MTREX: variants seen among roughly 807,000 people sequenced by gnomAD.
The protein encoded by MTREX is Mtr4 exosome RNA helicase.
Under a neutral mutation model 135.4 loss-of-function variants are expected in MTREX, and 76 were observed. That is an observed-to-expected ratio of 0.56 (90% CI 0.47 to 0.68). MTREX has a LOEUF of 0.68. Ranked by LOEUF, MTREX falls within the 30% of genes least tolerant of loss-of-function variation. The pLI is 0.00. For missense variants in MTREX, 920 were observed against 1,262.1 expected (o/e 0.73, Z 4.11); for synonymous variants, 404 against 401.6 (o/e 1.01, Z -0.07).
chr5:55,405,616 T>C (rs1750791976), intron 22 of MTREX, 28 bp downstream of exon 22: 4 of 1,537,780 alleles, frequency 2.6e-6, no homozygotes, highest in Non-Finnish European at 3.5e-6. Flanking sequence ...TTCTAGAAAG[T>C]TCATTTTTTT....
At chr5:55,361,041 C>T (rs996970463) in intron 15 of MTREX, among the ~76,000 whole-genome samples, 3 of 152,166 alleles carry the variant, frequency 2.0e-5, no homozygotes, top group African/African-American at 7.2e-5. Context: ...GGTACTGCTT[C>T]TCAGTACCTC....
chr5:55,318,921 C>T (rs1749243067), intron 1 of MTREX, among the ~76,000 whole-genome samples: 1 of 152,134 alleles, frequency 6.6e-6, no homozygotes, highest in Non-Finnish European at 1.5e-5. Context: ...TCTTATTTGA[C>T]ATAATTTCAG....
intron 16 of MTREX, among the ~76,000 whole-genome samples, chr5:55,372,891 A>AGT (rs1561200642): frequency 3.8e-4 from 34 of 90,590 alleles, no homozygotes; most frequent in Non-Finnish European, 7.0e-4. Flanking sequence ...TTAAAACTGT[A>AGT]ATGTGTGTGT....
chr5:55,336,738 C>T (rs1047433434), intron 5 of MTREX, among the ~76,000 whole-genome samples: 1 of 152,198 alleles, frequency 6.6e-6, no homozygotes, highest in Non-Finnish European at 1.5e-5. Flanking sequence ...CAGATGTGAA[C>T]AGTTGTCTCT....
chr5:55,368,804 GA>G (rs11299245), intron 16 of MTREX, among the ~76,000 whole-genome samples: 21,544 of 148,988 alleles, frequency 0.14, 1,915 homozygotes, highest in East Asian at 0.26. Flanking sequence ...CTCTCTAATT[GA>G]AAAAAAAAAT....
At chr5:55,409,259 G>T (rs1750851534) in intron 22 of MTREX, among the ~76,000 whole-genome samples, 1 of 150,834 alleles carries the variant, frequency 6.6e-6, no homozygotes, top group African/African-American at 2.4e-5. Context: ...TATTTCTAGG[G>T]ATATATATAT....
intron 20 of MTREX, among the ~76,000 whole-genome samples, chr5:55,398,334 CTG>C (rs1750676462): frequency 6.6e-6 from 1 of 151,650 alleles, no homozygotes; most frequent in South Asian, 2.1e-4. Context: ...AGTGAAGGCT[CTG>C]TACTAAAATC....
intron 1 of MTREX, among the ~76,000 whole-genome samples, chr5:55,320,320 C>T (rs1013368132): frequency 6.6e-6 from 1 of 151,506 alleles, no homozygotes; most frequent in Non-Finnish European, 1.5e-5. Flanking sequence ...CGGGTTCACA[C>T]CATTCTACCT....
intron 22 of MTREX, among the ~76,000 whole-genome samples, chr5:55,406,344 CCTCT>C (rs1216347472): frequency 2.0e-5 from 3 of 151,934 alleles, no homozygotes; most frequent in East Asian, 1.9e-4. Flanking sequence ...AATGTTAGGA[CCTCT>C]CTCTCTCTGT....
chr5:55,361,431 TAC>T (rs1310117035), intron 15 of MTREX, among the ~76,000 whole-genome samples: 5 of 152,222 alleles, frequency 3.3e-5, no homozygotes, highest in Admixed American at 6.5e-5. Flanking sequence ...AGTACATTCA[TAC>T]ACACACACAT....
At chr5:55,384,178 G>A (rs1352246488) in intron 18 of MTREX, among the ~76,000 whole-genome samples, 4 of 152,122 alleles carry the variant, frequency 2.6e-5, no homozygotes, top group African/African-American at 9.7e-5. Flanking sequence ...CTGAGGCTTG[G>A]TTCATTTTTA....
At chr5:55,337,266 G>C (rs140266423) in intron 5 of MTREX, among the ~76,000 whole-genome samples, 1 of 151,944 alleles carries the variant, frequency 6.6e-6, no homozygotes, top group Non-Finnish European at 1.5e-5. Flanking sequence ...GAGTACAGAC[G>C]TGCGCTACCA....
rs200724836 is a variant in MTREX at position 55,387,960 on chromosome 5, G to T, written c.2053-14G>T. Reference sequence around the variant, plus strand: ...TCTTAAGAATGAATGAACATCTTCTGTTTTGTTTTTTAGCCTAACTCTGGT... The same window carrying T: ...TCTTAAGAATGAATGAACATCTTCTTTTTTGTTTTTTAGCCTAACTCTGGT... On this transcript the variant is annotated splice_polypyrimidine_tract_variant and intron_variant, in intron 18 of 26. Transcript: ENST00000230640. 481 of 1,568,866 alleles carry T rather than the reference G, an allele frequency of 3.1e-4. 4 individuals are homozygous for T. The East Asian group carries it at 0.011, about 35-fold the overall frequency.
chr5:55,413,369 A>C (rs1002735911), intron 23 of MTREX, among the ~76,000 whole-genome samples: 2 of 151,838 alleles, frequency 1.3e-5, no homozygotes, highest in Non-Finnish European at 2.9e-5. Context: ...TAATTACTTT[A>C]ATTAAACCCT....
chr5:55,322,197 G>A (rs976721957), intron 1 of MTREX, 130 bp from the exon 2 acceptor site: 1 of 663,974 alleles, frequency 1.5e-6, no homozygotes, highest in Non-Finnish European at 2.3e-6. Flanking sequence ...GCTTCAGCCA[G>A]TTGTTGTTTG....
intron 16 of MTREX, among the ~76,000 whole-genome samples, chr5:55,369,282 A>G (rs1750156428): frequency 6.6e-6 from 1 of 152,210 alleles, no homozygotes; most frequent in African/African-American, 2.4e-5. Flanking sequence ...GTAAGATTAC[A>G]AGCTAGTTTA....
chr5:55,390,337 A>G (rs1411834286), intron 19 of MTREX, among the ~76,000 whole-genome samples: 1 of 152,170 alleles, frequency 6.6e-6, no homozygotes, highest in Non-Finnish European at 1.5e-5. Context: ...TCCTGACCTC[A>G]TGATATGCCT....
chr5:55,340,702 C>T (rs948258690), intron 6 of MTREX, among the ~76,000 whole-genome samples: 2 of 152,314 alleles, frequency 1.3e-5, no homozygotes, highest in African/African-American at 2.4e-5. Flanking sequence ...CTGCCTCAGC[C>T]TCCTGAATAG....
chr5:55,313,930 T>C (rs1482854032), intron 1 of MTREX, among the ~76,000 whole-genome samples: 5 of 152,198 alleles, frequency 3.3e-5, no homozygotes, highest in African/African-American at 1.2e-4. Flanking sequence ...ACTGTTCATC[T>C]TTTTTTACTT....
Sources: allele counts gnomAD v4.1 joint callset (sites outside exome capture counted in the v4.1 genomes callset), GRCh38; gene constraint gnomAD v4.1.1; transcripts MANE v1.5; gene names NCBI Gene and HGNC (gene_info 2026-07-23, HGNC 2026-07-21).